PFKFB4: variants seen among roughly 807,000 people sequenced by gnomAD.
The protein encoded by PFKFB4 is 6-phosphofructo-2-kinase/fructose-2,6-bisphosphatase 4.
A neutral mutation model predicts 62.8 loss-of-function variants in PFKFB4; 42 were observed. The ratio of observed to expected loss-of-function variants is 0.67; its 90% confidence interval spans 0.52 to 0.86. PFKFB4 has a LOEUF of 0.86. Ranked by LOEUF, PFKFB4 falls within the 40% of genes least tolerant of loss-of-function variation. PFKFB4 has a pLI of 0.00. For synonymous variants in PFKFB4, 204 were observed against 240.7 expected, an observed-to-expected ratio of 0.85 and a Z score of 1.41; for missense variants, 475 against 627.2, an observed-to-expected ratio of 0.76 and a Z score of 2.59.
At chr3:48,559,145 G>A (rs980361129), upstream of PFKFB4, among the ~76,000 whole-genome samples, 1 of 152,184 alleles carries the variant, frequency 6.6e-6, no homozygotes, top group Non-Finnish European at 1.5e-5. Context: ...ACCCAGACAG[G>A]ATGAGCCTGG....
upstream of PFKFB4, chr3:48,562,758 C>T: frequency 6.6e-7 from 1 of 1,517,470 alleles, no homozygotes; most frequent in South Asian, 1.2e-5. The surrounding 1 kb of genome is among the most constrained non-coding windows in gnomAD (Gnocchi z 4.3). Context: ...CCAGGGTGGC[C>T]CTATCACTGT....
In PFKFB4 at chr3:48,525,329, T is replaced by G. The variant is rs566370696; in HGVS notation, c.1092+236A>C. ...GAGCAGGGAGCCAAAGGTCTCCAGG[T>G]TGAAGGCCTGCCCTACATGGCACTG... On this transcript the variant is annotated intron_variant, in intron 10 of 13. Coordinates refer to ENST00000232375, the MANE Select transcript of PFKFB4 (RefSeq NM_004567.4). Among the ~76,000 whole-genome samples, 13 of 152,218 alleles carry G rather than the reference T, an allele frequency of 8.5e-5. No homozygotes were observed. In the East Asian group the frequency reaches 2.5e-3, roughly 29 times the overall value.
At chr3:48,529,212 T>C (rs1449463804) in intron 9 of PFKFB4, among the ~76,000 whole-genome samples, 3 of 152,032 alleles carry the variant, frequency 2.0e-5, no homozygotes, top group Non-Finnish European at 4.4e-5. Flanking sequence ...CTGAACTGTA[T>C]ATTTTAAATG....
At chr3:48,540,876 G>C (rs973242147) in intron 4 of PFKFB4, among the ~76,000 whole-genome samples, 22 of 150,952 alleles carry the variant, frequency 1.5e-4, no homozygotes, top group South Asian at 6.3e-4. Flanking sequence ...CTGGGTTCAA[G>C]CGATTCTCCT....
chr3:48,550,233 C>T lies in PFKFB4; in HGVS notation c.99G>A (p.Val33=). 1 of 1,605,012 alleles carries T rather than the reference C, an allele frequency of 6.2e-7. No individual in the cohort carries two copies. The highest frequency in any genetic ancestry group is 8.5e-7 in the Non-Finnish European group (1 of 1,171,704). The change falls in exon 2 of 14, where the codon GTG becomes GTA. Residue 33 remains valine, a splice_region_variant and synonymous_variant. Coordinates refer to ENST00000232375, the MANE Select transcript of PFKFB4 (RefSeq NM_004567.4). ...RPALHACQRG[V]CMTNCPTLIV... is the part of the protein sequence containing the mutation. ...TGAGAGTTGGGCAGTTGGTCATGCA[C>T]ACTAAAAGGCAAGCAGCACAGTGTC...
intron 9 of PFKFB4, 43 bp from the exon 10 acceptor site, chr3:48,525,712 A>T (rs1190631492): frequency 8.7e-7 from 1 of 1,155,918 alleles, no homozygotes; most frequent in Admixed American, 2.0e-5. Context: ...CAGGCCCAGA[A>T]GATGAGCCTT....
At chr3:48,540,690 G>T (rs1265217155) in intron 4 of PFKFB4, among the ~76,000 whole-genome samples, 1 of 151,984 alleles carries the variant, frequency 6.6e-6, no homozygotes, top group Admixed American at 6.6e-5. Context: ...GCTCACTGCA[G>T]CCTCAACCTC....
At chr3:48,534,047 G>C (rs907519307) in intron 9 of PFKFB4, among the ~76,000 whole-genome samples, 2 of 152,166 alleles carry the variant, frequency 1.3e-5, no homozygotes, top group African/African-American at 2.4e-5. Flanking sequence ...GGAACAAAAT[G>C]AAATTCCTGG....
Position 48,518,750 on chromosome 3 carries a change from A to T in PFKFB4, c.*997T>A, listed in dbSNP as rs1297384077. The T allele has an allele frequency of 6.6e-6, 1 of 152,262 alleles. No homozygotes were observed. Among genetic ancestry groups the T allele is most frequent in the Non-Finnish European group, 1.5e-5 (1 of 68,070 alleles). 9.4% of individuals were successfully genotyped at this position (152,262 alleles called of 1,614,324 possible). A position where few individuals can be genotyped will look rare whatever the true frequency, so the allele number is the denominator to read the frequency against. ...CACCAGAGAAGTTTTACAGGACCAT[A>T]CAAGTGTTTCTGAATTATTTATGGC... On this transcript the variant is annotated 3_prime_UTR_variant, in exon 14 of 14. Transcript: ENST00000232375.
intron 3 of PFKFB4, among the ~76,000 whole-genome samples, chr3:48,544,770 C>T (rs1207346673): frequency 6.6e-6 from 1 of 151,992 alleles, no homozygotes; most frequent in Admixed American, 6.6e-5. Context: ...GTTGCCCAGG[C>T]TGGAGTGCAG....
chr3:48,525,730 T>C (rs1485202252), intron 9 of PFKFB4, 61 bp from the exon 10 acceptor site: 3 of 879,360 alleles, frequency 3.4e-6, no homozygotes, highest in Non-Finnish European at 5.3e-6. Flanking sequence ...CTTGGGGACA[T>C]GTGGGGTGAG....
chr3:48,535,557 C>G lies in PFKFB4; in HGVS notation c.942G>C (p.Leu314=). 1.2e-6 allele frequency: 2 copies of G among 1,614,150 alleles called. No individual in the cohort carries two copies. Among genetic ancestry groups the G allele is most frequent in the Non-Finnish European group, 1.7e-6 (2 of 1,179,988 alleles). Residue 314 remains leucine (L), a synonymous_variant, in exon 9 of 14, where the codon CTG becomes CTC. Transcript: ENST00000232375. ...CCTTCCACTGTTCATAGGGCACACC[C>G]AGTGCCTCAGCCGTCTGGATTGTCC... ...MKRTIQTAEA[L]GVPYEQWKVL...
chr3:48,521,980 T>G lies in PFKFB4; in HGVS notation c.1350+6A>C. The G allele has an allele frequency of 6.2e-7, 1 of 1,613,442 alleles. No individual in the cohort carries two copies. The highest frequency in any genetic ancestry group is 8.5e-7 in the Non-Finnish European group (1 of 1,179,428). ...CCCGCTACCCCAGCAGTGACCCCAT[T>G]GCTACCTGAGGCCTGTCCCGGTGCG... On this transcript the variant is annotated splice_donor_region_variant and intron_variant, in intron 13 of 13. Transcript: ENST00000232375. This position sits in a 1 kb window ranked among gnomAD's most constrained non-coding sequence, Gnocchi z 5.3.
upstream of PFKFB4, chr3:48,557,016 T>A: frequency 1.5e-6 from 2 of 1,320,608 alleles, no homozygotes; most frequent in Non-Finnish European, 2.0e-6. Context: ...TGGGCCCAGT[T>A]CTTCAGGCCA....
intron 5 of PFKFB4, 98 bp from the exon 6 acceptor site, chr3:48,539,408 GC>G: frequency 9.4e-7 from 1 of 1,065,004 alleles, no homozygotes. Flanking sequence ...ATCCCCTGAG[GC>G]CCATGCTGAC....
At chr3:48,520,129 T>C (rs1407103883) in intron 13 of PFKFB4, among the ~76,000 whole-genome samples, 2 of 152,172 alleles carry the variant, frequency 1.3e-5, no homozygotes, top group Non-Finnish European at 2.9e-5. Flanking sequence ...GAGGAACCCC[T>C]GGCTTGGGGA....
At position 48,519,698 on chromosome 3, in the gene PFKFB4, C is replaced by G. The variant is rs764356523; in HGVS notation, c.*49G>C. 1.3e-5 allele frequency: 18 copies of G among 1,396,394 alleles called. No homozygotes were observed. The highest frequency in any genetic ancestry group is 1.7e-5 in the Non-Finnish European group (17 of 983,268). 86.5% of individuals were successfully genotyped at this position (1,396,394 alleles called of 1,614,324 possible). ...CACACTGGAGGGCCTGGAATGACCC[C>G]CTCTGCAGAGAGCAGTGCCTGCCTA... On this transcript the variant is annotated 3_prime_UTR_variant, in exon 14 of 14. Transcript: ENST00000232375.
At chr3:48,530,051 A>C (rs1424164848) in intron 9 of PFKFB4, among the ~76,000 whole-genome samples, 1 of 151,582 alleles carries the variant, frequency 6.6e-6, no homozygotes, top group Non-Finnish European at 1.5e-5. Flanking sequence ...TCAAGAGTTC[A>C]AGACCAGCCT....
intron 7 of PFKFB4, 91 bp downstream of exon 7, chr3:48,538,397 TGGTCCTCCAG>T: frequency 2.1e-6 from 3 of 1,435,884 alleles, no homozygotes; most frequent in Admixed American, 1.9e-5. Context: ...CTCTGCTTTT[TGGTCCTCCAG>T]CCACCACCAT....
Sources: allele counts gnomAD v4.1 joint callset (sites outside exome capture counted in the v4.1 genomes callset), GRCh38; gene constraint gnomAD v4.1.1; non-coding constraint Gnocchi (gnomAD v3.1); transcripts MANE v1.5; gene names NCBI Gene and HGNC (gene_info 2026-07-23, HGNC 2026-07-21).